The following HCN1 variants were observed in gnomAD, a reference collection of about 807,000 sequenced individuals.
HCN1 encodes the protein potassium/sodium hyperpolarization-activated cyclic nucleotide-gated channel 1.
HCN1 carries 13 observed loss-of-function variants against 78.9 expected under a neutral mutation model. That is an observed-to-expected ratio of 0.16 (90% CI 0.11 to 0.26). HCN1 has a LOEUF of 0.26. HCN1 is among the 10% of genes least tolerant of loss of function. The pLI, the probability that HCN1 is intolerant of heterozygous loss-of-function variation, is 1.00. For synonymous variants in HCN1, 552 were observed against 455.5 expected (o/e 1.21, Z -2.70); for missense variants, 810 against 1,154.3 (o/e 0.70, Z 4.32).
chr5:45,461,756 A>T, intron 3 of HCN1, 90 bp downstream of exon 3: 1 of 1,144,886 alleles, frequency 8.7e-7, no homozygotes. Context: ...ACATTTATAG[A>T]GAAGAAATCA....
chr5:45,613,127 T>C (rs1357272819), intron 2 of HCN1, among the ~76,000 whole-genome samples: 2 of 150,290 alleles, frequency 1.3e-5, no homozygotes, highest in African/African-American at 4.9e-5. Flanking sequence ...TAGCATTAGG[T>C]ATATCTCCCA....
intron 3 of HCN1, among the ~76,000 whole-genome samples, chr5:45,424,984 G>A (rs187416875): frequency 1.3e-4 from 20 of 152,068 alleles, no homozygotes; most frequent in African/African-American, 3.9e-4. Context: ...TCTCATTAAC[G>A]GTCCATAGTT....
At chr5:45,533,833 G>T (rs967946167) in intron 2 of HCN1, among the ~76,000 whole-genome samples, 12 of 152,236 alleles carry the variant, frequency 7.9e-5, no homozygotes, top group African/African-American at 2.2e-4. Context: ...ACAATTCCTA[G>T]TGGTGACATT....
intron 2 of HCN1, among the ~76,000 whole-genome samples, chr5:45,539,398 C>T (rs1743042321): frequency 6.6e-6 from 1 of 151,178 alleles, no homozygotes; most frequent in African/African-American, 2.4e-5. Flanking sequence ...TGTGGTGGCT[C>T]ACGCCTGTAA....
intron 2 of HCN1, chr5:45,643,406 C>T (rs1411407478): frequency 1.3e-5 from 2 of 152,054 alleles, no homozygotes; most frequent in South Asian, 4.1e-4. Context: ...AAATATTTTT[C>T]CATGGCCTTG....
At chr5:45,303,026 A>G (rs927285974) in intron 6 of HCN1, among the ~76,000 whole-genome samples, 1 of 152,030 alleles carries the variant, frequency 6.6e-6, no homozygotes, top group Non-Finnish European at 1.5e-5. Flanking sequence ...AAACAATACA[A>G]ATTTCTGTAA....
At chr5:45,325,933 TA>T (rs1013425675) in intron 5 of HCN1, among the ~76,000 whole-genome samples, 10 of 151,624 alleles carry the variant, frequency 6.6e-5, no homozygotes, top group African/African-American at 2.4e-4. Context: ...ATTACAGGGG[TA>T]AAAAATACTT....
intron 2 of HCN1, among the ~76,000 whole-genome samples, chr5:45,533,773 G>GT (rs932927832): frequency 6.6e-6 from 1 of 152,116 alleles, no homozygotes; most frequent in Non-Finnish European, 1.5e-5. Flanking sequence ...CTGGAGTTCA[G>GT]TTTTTTCTCA....
intron 4 of HCN1, among the ~76,000 whole-genome samples, chr5:45,395,926 T>C (rs1579866598): frequency 6.6e-6 from 1 of 152,100 alleles, no homozygotes; most frequent in Non-Finnish European, 1.5e-5. Context: ...AGAGCAGCAA[T>C]CATTTTAATT....
intron 4 of HCN1, among the ~76,000 whole-genome samples, chr5:45,372,993 TA>T (rs1747455024): frequency 7.3e-6 from 1 of 136,332 alleles, no homozygotes; most frequent in South Asian, 2.2e-4. Flanking sequence ...AAATAATATA[TA>T]AAAATAAAAT....
intron 2 of HCN1, among the ~76,000 whole-genome samples, chr5:45,591,252 CTAATG>C: frequency 6.6e-6 from 1 of 152,216 alleles, no homozygotes; most frequent in Non-Finnish European, 1.5e-5. Context: ...GATTTTTGCA[CTAATG>C]TAAGTTTTTA....
chr5:45,301,893 C>G (rs1348274075), intron 6 of HCN1, among the ~76,000 whole-genome samples: 1 of 151,562 alleles, frequency 6.6e-6, no homozygotes, highest in African/African-American at 2.4e-5. Context: ...AAGAAACAAG[C>G]AACAAATTAG....
chr5:45,365,354 A>C (rs1747213152), intron 4 of HCN1, among the ~76,000 whole-genome samples: 1 of 151,506 alleles, frequency 6.6e-6, no homozygotes, highest in South Asian at 2.1e-4. Context: ...CCCATTCTCC[A>C]CCCTTTTGGA....
chr5:45,586,473 G>A (rs571667067), intron 2 of HCN1, among the ~76,000 whole-genome samples: 69 of 152,200 alleles, frequency 4.5e-4, no homozygotes, highest in East Asian at 1.2e-3. Flanking sequence ...TGCGCTTCCC[G>A]GGTGAGGCGA....
At chr5:45,348,959 A>T (rs1366610275) in intron 5 of HCN1, among the ~76,000 whole-genome samples, 1 of 152,236 alleles carries the variant, frequency 6.6e-6, no homozygotes, top group Non-Finnish European at 1.5e-5. Context: ...CATTAGACAG[A>T]TTAACGAGAC....
intron 1 of HCN1, among the ~76,000 whole-genome samples, chr5:45,659,244 C>A (rs1365145202): frequency 7.2e-6 from 1 of 139,678 alleles, no homozygotes; most frequent in African/African-American, 2.8e-5. Flanking sequence ...GCTGAGGGTC[C>A]TGTCTGTTAG....
chr5:45,347,567 G>A (rs1359515079), intron 5 of HCN1, among the ~76,000 whole-genome samples: 5 of 152,132 alleles, frequency 3.3e-5, no homozygotes, highest in Admixed American at 1.3e-4. Context: ...AAACTACTCC[G>A]AGCTACAGGA....
At chr5:45,425,442 A>C (rs1332166018) in intron 3 of HCN1, among the ~76,000 whole-genome samples, 3 of 152,232 alleles carry the variant, frequency 2.0e-5, no homozygotes. Context: ...TAGTAATCAC[A>C]TCAAGATGTC....
chr5:45,327,918 C>T (rs1746268247), intron 5 of HCN1, among the ~76,000 whole-genome samples: 1 of 151,606 alleles, frequency 6.6e-6, no homozygotes, highest in African/African-American at 2.4e-5. Flanking sequence ...TGAAAAAATA[C>T]ATTTCTTTTG....
Sources: allele counts gnomAD v4.1 joint callset (sites outside exome capture counted in the v4.1 genomes callset), GRCh38; gene constraint gnomAD v4.1.1; transcripts MANE v1.5; gene names NCBI Gene and HGNC (gene_info 2026-07-23, HGNC 2026-07-21).